LIN28B: variants seen among roughly 807,000 people sequenced by gnomAD.
LIN28B encodes the protein lin-28 RNA binding posttranscriptional regulator B, also known as protein lin-28 homolog B.
A neutral mutation model predicts 21.9 loss-of-function variants in LIN28B; 5 were observed. The observed-to-expected ratio is 0.23, with a 90% confidence interval of 0.12 to 0.48. The LOEUF (loss-of-function observed/expected upper bound fraction) is 0.48, where lower values mean the gene tolerates loss of function less well. Ranked by LOEUF, LIN28B falls within the 20% of genes least tolerant of loss-of-function variation. The probability of loss-of-function intolerance (pLI) is 0.98; values close to 1 mark genes in which losing one functional copy is unlikely to be tolerated. For missense variants in LIN28B, 245 were observed against 310.5 expected, an observed-to-expected ratio of 0.79 and a Z score of 1.58; for synonymous variants, 109 against 111.3, an observed-to-expected ratio of 0.98 and a Z score of 0.13.
intron 2 of LIN28B, among the ~76,000 whole-genome samples, chr6:104,960,738 A>G (rs1769723663): frequency 6.6e-6 from 1 of 152,158 alleles, no homozygotes; most frequent in African/African-American, 2.4e-5. Flanking sequence ...TTTTTCTCTT[A>G]AAAATATTGA....
At chr6:104,949,543 T>G (rs395962) in intron 2 of LIN28B, among the ~76,000 whole-genome samples, 109,201 of 152,082 alleles carry the variant, frequency 0.72, 39,425 homozygotes, top group African/African-American at 0.79. Context: ...GCAACTTAAA[T>G]AATTTGCACA....
intron 2 of LIN28B, among the ~76,000 whole-genome samples, chr6:105,010,908 C>T (rs1265715123): frequency 6.6e-6 from 1 of 152,088 alleles, no homozygotes; most frequent in East Asian, 1.9e-4. Flanking sequence ...CATTTTTTTC[C>T]TACTATAAGT....
At chr6:104,965,549 TCTCA>T (rs1012404738) in intron 2 of LIN28B, among the ~76,000 whole-genome samples, 105 of 152,322 alleles carry the variant, frequency 6.9e-4, no homozygotes, top group African/African-American at 2.1e-3. Context: ...TGAGATCTGG[TCTCA>T]CTCTGTTGCC....
chr6:104,940,741 T>G (rs1778074359), intron 2 of LIN28B: 1 of 150,498 alleles, frequency 6.6e-6, no homozygotes, highest in Non-Finnish European at 1.5e-5. Flanking sequence ...CTCGCCGGGC[T>G]GCGGCGGCGG....
At chr6:104,953,235 G>A (rs372190993), upstream of LIN28B, among the ~76,000 whole-genome samples, 69 of 152,262 alleles carry the variant, frequency 4.5e-4, no homozygotes, top group Middle Eastern at 0.01. Context: ...AAGGCCCAGG[G>A]CGACGTTTGC....
chr6:105,061,424 T>G (rs1005111529), intron 3 of LIN28B, among the ~76,000 whole-genome samples: 1 of 152,100 alleles, frequency 6.6e-6, no homozygotes, highest in Non-Finnish European at 1.5e-5. Context: ...TGTATCATTA[T>G]TGGGCTATTT....
At chr6:104,946,360 T>C (rs577318682) in intron 2 of LIN28B, among the ~76,000 whole-genome samples, 2 of 152,250 alleles carry the variant, frequency 1.3e-5, no homozygotes, top group Non-Finnish European at 2.9e-5. Flanking sequence ...AAGTAGGATG[T>C]TCAGTTAAAT....
intron 2 of LIN28B, among the ~76,000 whole-genome samples, chr6:104,968,747 A>G (rs1310027601): frequency 6.6e-6 from 1 of 152,148 alleles, no homozygotes; most frequent in Non-Finnish European, 1.5e-5. Context: ...AGTGAATAGA[A>G]TGTTCCCAGA....
chr6:104,954,753 A>G (rs114483796), upstream of LIN28B, among the ~76,000 whole-genome samples: 1,118 of 152,264 alleles, frequency 7.3e-3, 13 homozygotes, highest in African/African-American at 0.025. Flanking sequence ...GAGGCCCCCA[A>G]TCAGGCAAGA....
rs187014825 is a variant in LIN28B at position 105,081,317 on chromosome 6, T to A, written c.*2534T>A. On this transcript the variant is annotated 3_prime_UTR_variant, in exon 4 of 4. Transcript: ENST00000345080. The stretch of plus-strand genomic sequence containing the variant: ...TCAGATATCAGTTATCCTATTTTTA[T>A]TTCATGTGAAAACTCCTCTAAAGCA... The A allele has an allele frequency of 6.5e-6, 1 of 152,790 alleles. No homozygotes were observed. The highest frequency in any genetic ancestry group is 1.9e-4 in the East Asian group (1 of 5,190). 9.5% of individuals were successfully genotyped at this position (152,790 alleles called of 1,614,324 possible). A position where few individuals can be genotyped will look rare whatever the true frequency, so the allele number is the denominator to read the frequency against.
chr6:105,023,417 TAA>T (rs1448804015), intron 2 of LIN28B, among the ~76,000 whole-genome samples: 3 of 1,482 alleles, frequency 2.0e-3, no homozygotes, highest in African/African-American at 6.0e-3. Context: ...ATATTATATA[TAA>T]TATATATAAT....
chr6:104,947,800 C>G lies in LIN28B; in HGVS notation c.19-2661C>G, dbSNP rs1778174650. 1.4e-5 allele frequency among the ~76,000 whole-genome samples: 2 copies of G among 147,894 alleles called. 1 individual carries two copies. The highest frequency in any genetic ancestry group is 4.2e-4 in the South Asian group (2 of 4,746). ...TTTTTTTTTTTTTATAAAAGCCAAC[C>G]TAGGAATAATCAACCTCGGTACAGG... On this transcript the variant is annotated intron_variant, in intron 2 of 5. Transcript: ENST00000635857.
At chr6:104,960,415 A>G (rs1391976668) in intron 2 of LIN28B, among the ~76,000 whole-genome samples, 1 of 152,128 alleles carries the variant, frequency 6.6e-6, no homozygotes, top group African/African-American at 2.4e-5. Flanking sequence ...TTATTATTTT[A>G]GAGGCCTTTT....
chr6:105,002,189 T>TA (rs1461661528), intron 2 of LIN28B, among the ~76,000 whole-genome samples: 2 of 149,282 alleles, frequency 1.3e-5, no homozygotes, highest in Non-Finnish European at 3.0e-5. Flanking sequence ...TTTTTTTTTT[T>TA]ACAGGAGAAG....
At chr6:105,057,320 G>A (rs1772039920) in intron 3 of LIN28B, among the ~76,000 whole-genome samples, 1 of 152,132 alleles carries the variant, frequency 6.6e-6, no homozygotes, top group Non-Finnish European at 1.5e-5. Context: ...CTCAGCATGA[G>A]GTTGAATTAA....
In LIN28B at chr6:104,994,090, C is replaced by T. The variant is rs113803410; in HGVS notation, c.199-32208C>T. Among the ~76,000 whole-genome samples, 1,298 of 152,094 alleles carry T rather than the reference C, an allele frequency of 8.5e-3. 15 individuals are homozygous for T. The highest frequency in any genetic ancestry group is 0.012 in the Non-Finnish European group (843 of 67,988). On this transcript the variant is annotated intron_variant, in intron 2 of 3. Coordinates refer to ENST00000345080, the MANE Select transcript of LIN28B (RefSeq NM_001004317.4). ...CGCAATCTCGGCTCACTGCAAGCTCCGCCTTCCAGGTTCATGCCATTCTCC... is the reference window on the plus strand; with the variant it reads ...CGCAATCTCGGCTCACTGCAAGCTCTGCCTTCCAGGTTCATGCCATTCTCC...
chr6:104,945,253 A>G (rs1327271548), intron 2 of LIN28B, among the ~76,000 whole-genome samples: 1 of 152,096 alleles, frequency 6.6e-6, no homozygotes, highest in Admixed American at 6.5e-5. Flanking sequence ...ATTTGCTATT[A>G]CATTTATTAC....
At chr6:105,054,220 GCAGGTCTGC>G (rs1455383486) in intron 3 of LIN28B, among the ~76,000 whole-genome samples, 3 of 152,182 alleles carry the variant, frequency 2.0e-5, no homozygotes, top group Non-Finnish European at 4.4e-5. Context: ...ATGGTTAGAT[GCAGGTCTGC>G]CATTTTGCTC....
At chr6:104,943,639 A>G (rs915669304) in intron 2 of LIN28B, among the ~76,000 whole-genome samples, 10 of 152,136 alleles carry the variant, frequency 6.6e-5, no homozygotes, top group African/African-American at 2.4e-4. Flanking sequence ...GCGTTTTCTT[A>G]TTAGGTATTT....
Sources: gnomAD v4.1 joint callset for allele counts (sites outside exome capture counted in the v4.1 genomes callset) on GRCh38, gnomAD v4.1.1 for gene constraint, MANE v1.5 for transcripts, NCBI Gene and HGNC (gene_info 2026-07-23, HGNC 2026-07-21) for gene names.